Variants in CNTN4 observed in about 807,000 individuals in gnomAD.
CNTN4 encodes the protein contactin-4.
CNTN4 carries 77 observed loss-of-function variants against 122.5 expected under a neutral mutation model. The ratio of observed to expected loss-of-function variants is 0.63; its 90% CI spans 0.52 to 0.76. CNTN4 has a LOEUF of 0.76. Among genes scored for constraint, CNTN4 ranks in the 30% least tolerant of loss-of-function variants. The pLI, the probability that CNTN4 is intolerant of heterozygous loss-of-function variation, is 0.00. For synonymous variants in CNTN4, 512 were observed against 447.0 expected (o/e 1.15, Z -1.83); for missense variants, 1,256 against 1,259.1 (o/e 1.00, Z 0.04).
intron 4 of CNTN4, among the ~76,000 whole-genome samples, chr3:2,593,437 A>C (rs2149680604): frequency 6.6e-6 from 1 of 152,310 alleles, no homozygotes; most frequent in East Asian, 1.9e-4. Context: ...GTTAGGTATA[A>C]TTTTCCCATG....
chr3:2,804,978 C>T (rs567062395), intron 6 of CNTN4, among the ~76,000 whole-genome samples: 1 of 152,092 alleles, frequency 6.6e-6, no homozygotes, highest in Non-Finnish European at 1.5e-5. Flanking sequence ...AGTTCAAGAC[C>T]AGCCTGGCCA....
chr3:2,776,225 T>A lies in CNTN4; in HGVS notation c.358+30528T>A, dbSNP rs115803433. 6.0e-3 allele frequency among the ~76,000 whole-genome samples: 917 copies of A among 151,858 alleles called. 13 individuals carry two copies. The highest frequency in any genetic ancestry group is 0.021 in the African/African-American group (884 of 41,410). On this transcript the variant is annotated intron_variant, in intron 6 of 24. Coordinates refer to ENST00000418658, the MANE Select transcript of CNTN4 (RefSeq NM_175607.3). ...ATGAGCAGGATTACATCATTTTCCA[T>A]ACAGGATTGGTGAATAGTTAACAGC...
At chr3:3,007,840 C>G (rs1696809265) in intron 14 of CNTN4, among the ~76,000 whole-genome samples, 1 of 152,076 alleles carries the variant, frequency 6.6e-6, no homozygotes, top group South Asian at 2.1e-4. Context: ...TCTTTTATCC[C>G]AATTAGAATA....
At chr3:2,799,582 C>T (rs1019869779) in intron 6 of CNTN4, among the ~76,000 whole-genome samples, 4 of 152,090 alleles carry the variant, frequency 2.6e-5, no homozygotes, top group Admixed American at 2.0e-4. Context: ...CCTGCCTCAG[C>T]CTCCCAAGCA....
At chr3:2,271,055 A>C (rs1047592414) in intron 2 of CNTN4, among the ~76,000 whole-genome samples, 7 of 152,164 alleles carry the variant, frequency 4.6e-5, no homozygotes, top group African/African-American at 1.7e-4. Context: ...TGACAGTAGC[A>C]GGCAGAATAT....
At chr3:2,698,384 A>G (rs1310498858) in intron 4 of CNTN4, among the ~76,000 whole-genome samples, 2 of 152,130 alleles carry the variant, frequency 1.3e-5, no homozygotes, top group African/African-American at 4.8e-5. Flanking sequence ...TTTGCAAGGC[A>G]CTTTATGTTG....
intron 3 of CNTN4, among the ~76,000 whole-genome samples, chr3:2,493,721 A>C (rs1448915650): frequency 6.6e-6 from 1 of 152,022 alleles, no homozygotes; most frequent in Non-Finnish European, 1.5e-5. Context: ...AATTGCTAAC[A>C]CATTCACAAC....
intron 15 of CNTN4, among the ~76,000 whole-genome samples, chr3:3,029,934 T>G (rs1699025599): frequency 6.6e-6 from 1 of 152,216 alleles, no homozygotes; most frequent in Non-Finnish European, 1.5e-5. Context: ...TCTGTGTCAA[T>G]TTCCTGTTGT....
chr3:2,802,743 A>T (rs2728087), intron 6 of CNTN4, among the ~76,000 whole-genome samples: 51,402 of 151,812 alleles, frequency 0.34, 9,073 homozygotes, highest in Non-Finnish European at 0.4. Flanking sequence ...ACATAACTAC[A>T]GCCAGTAATG....
chr3:2,559,256 G>A (rs1395069451), intron 3 of CNTN4, among the ~76,000 whole-genome samples: 1 of 152,158 alleles, frequency 6.6e-6, no homozygotes, highest in African/African-American at 2.4e-5. Context: ...TGATAATGAA[G>A]TACCCCACCA....
intron 4 of CNTN4, among the ~76,000 whole-genome samples, chr3:2,597,412 G>T (rs1228552569): frequency 3.9e-5 from 6 of 152,190 alleles, no homozygotes; most frequent in African/African-American, 1.2e-4. Context: ...GCCTTTGGCA[G>T]GGAGCACCTT....
At chr3:2,778,501 T>A (rs1271520943) in intron 6 of CNTN4, among the ~76,000 whole-genome samples, 1 of 152,166 alleles carries the variant, frequency 6.6e-6, no homozygotes, top group Admixed American at 6.5e-5. Context: ...TTTCTCTGTT[T>A]ACAGCATATA....
At position 2,600,100 on chromosome 3, in the gene CNTN4, T is replaced by G. The variant is rs1488108508; in HGVS notation, c.55+28542T>G. On this transcript the variant is annotated intron_variant, in intron 4 of 24. Coordinates refer to ENST00000418658, the MANE Select transcript of CNTN4 (RefSeq NM_175607.3). ...TTTGGATTCTTAAACATTCAGTATT[T>G]TTTTAAATTTAGTCCAGGGTTTATT... is the stretch of plus-strand genomic sequence containing the variant. 2.0e-5 allele frequency among the ~76,000 whole-genome samples: 3 copies of G among 150,824 alleles called. No individual in the cohort carries two copies. The East Asian group carries it at 5.8e-4, about 29-fold the overall frequency.
intron 2 of CNTN4, among the ~76,000 whole-genome samples, chr3:2,168,084 G>C (rs550475269): frequency 1.6e-4 from 25 of 152,288 alleles, no homozygotes; most frequent in African/African-American, 5.3e-4. Flanking sequence ...AGTAAGCTAT[G>C]ATGAGGCCAT....
chr3:2,479,545 A>C (rs2075927430), intron 3 of CNTN4, among the ~76,000 whole-genome samples: 1 of 152,210 alleles, frequency 6.6e-6, no homozygotes, highest in African/African-American at 2.4e-5. Context: ...ATAACCTTAT[A>C]AGGGGGATAA....
intron 4 of CNTN4, among the ~76,000 whole-genome samples, chr3:2,681,372 G>A (rs951415467): frequency 6.6e-6 from 1 of 152,188 alleles, no homozygotes; most frequent in Non-Finnish European, 1.5e-5. Flanking sequence ...GGAGCAGCGT[G>A]TGATCTCACC....
chr3:2,857,426 CCAAATTTTTAA>C (rs1475592546), intron 7 of CNTN4, among the ~76,000 whole-genome samples: 1 of 152,088 alleles, frequency 6.6e-6, no homozygotes, highest in Non-Finnish European at 1.5e-5. Context: ...TCTTAAAATA[CCAAATTTTTAA>C]CAAATAGCTG....
intron 2 of CNTN4, among the ~76,000 whole-genome samples, chr3:2,108,113 G>T (rs962903836): frequency 6.6e-6 from 1 of 150,852 alleles, no homozygotes; most frequent in African/African-American, 2.4e-5. Flanking sequence ...CAGGCTTGCA[G>T]ACCAACTGTA....
intron 2 of CNTN4, among the ~76,000 whole-genome samples, chr3:2,259,625 A>G (rs137970457): frequency 2.0e-5 from 3 of 152,204 alleles, no homozygotes; most frequent in Non-Finnish European, 2.9e-5. Flanking sequence ...GCGCCAAGCA[A>G]AAAGGGAATC....
Sources: gnomAD v4.1 joint callset for allele counts (sites outside exome capture counted in the v4.1 genomes callset) on GRCh38, gnomAD v4.1.1 for gene constraint, MANE v1.5 for transcripts, NCBI Gene and HGNC (gene_info 2026-07-23, HGNC 2026-07-21) for gene names.